DHDDS: variants seen among roughly 807,000 people sequenced by gnomAD.
The protein encoded by DHDDS is dehydrodolichyl diphosphate synthase complex subunit DHDDS.
A neutral mutation model predicts 46.2 loss-of-function variants in DHDDS; 16 were observed. The ratio of observed to expected loss-of-function variants is 0.35; its 90% CI spans 0.23 to 0.53. The LOEUF (loss-of-function observed/expected upper bound fraction) is 0.53. Among genes scored for constraint, DHDDS ranks in the 20% least tolerant of loss-of-function variants. DHDDS has a pLI of 0.94. For synonymous variants in DHDDS, 151 were observed against 163.1 expected (o/e 0.93, Z 0.56); for missense variants, 340 against 423.7 (o/e 0.80, Z 1.73).
chr1:26,435,066 G>A (rs2075140047), intron 2 of DHDDS, among the ~76,000 whole-genome samples: 2 of 151,616 alleles, frequency 1.3e-5, no homozygotes, highest in African/African-American at 4.9e-5. Flanking sequence ...CTGGAGTGCA[G>A]TGGCACAATC....
chr1:26,460,215 C>T (rs1379283545), intron 8 of DHDDS, 71 bp downstream of exon 8: 7 of 1,200,620 alleles, frequency 5.8e-6, no homozygotes, highest in South Asian at 4.9e-5. Flanking sequence ...TGACAACCAC[C>T]TTACTATATA....
At chr1:26,460,200 T>C (rs1051273678) in intron 8 of DHDDS, 56 bp downstream of exon 8, 12 of 1,376,508 alleles carry the variant, frequency 8.7e-6, no homozygotes, top group African/African-American at 2.9e-5. Context: ...AAGATTAGCA[T>C]TGATTGACAA....
At chr1:26,443,244 A>G (rs148902879) in intron 4 of DHDDS, among the ~76,000 whole-genome samples, 363 of 152,258 alleles carry the variant, frequency 2.4e-3, no homozygotes, top group African/African-American at 8.2e-3. Context: ...GCCTGGAATC[A>G]ATAAAATCCC....
intron 2 of DHDDS, among the ~76,000 whole-genome samples, chr1:26,436,704 T>C (rs1175824398): frequency 6.6e-6 from 1 of 151,956 alleles, no homozygotes; most frequent in Non-Finnish European, 1.5e-5. Context: ...ATTACAGGTA[T>C]GAGCCACTGT....
In DHDDS at chr1:26,457,873, G is replaced by C; in HGVS notation, c.625G>C (p.Glu209Gln). 4 of 1,614,000 alleles carry C rather than the reference G, an allele frequency of 2.5e-6. No individual in the cohort carries two copies. The highest frequency in any genetic ancestry group is 2.5e-6 in the Non-Finnish European group (3 of 1,180,002). Residue 209 changes from glutamate (E) to glutamine (Q), a missense_variant, in exon 7 of 9, where the codon GAA becomes CAA. By Grantham distance (29) the Glu-to-Gln change is conservative. This residue lies in a region of DHDDS where 268 missense variants were observed against 300.3 expected (regional missense o/e 0.89). Coordinates refer to ENST00000236342, the MANE Select transcript of DHDDS (RefSeq NM_205861.3). Reference protein sequence around the residue: ...HPDILIRTSGEVRLSDFLLWQ... With the variant: ...HPDILIRTSGQVRLSDFLLWQ... ...TGACATCTTGATACGGACTTCTGGA[G>C]AAGTGCGGCTGAGTGACTTCTTGCT...
chr1:26,442,541 A>G (rs1157301363), intron 3 of DHDDS, among the ~76,000 whole-genome samples, 190 bp from the exon 4 acceptor site: 13 of 152,166 alleles, frequency 8.5e-5, no homozygotes, highest in Non-Finnish European at 1.3e-4. Flanking sequence ...AGTTTCTTCA[A>G]TGGTGGTTTT....
At chr1:26,468,562 G>A (rs1019822309) in intron 8 of DHDDS, among the ~76,000 whole-genome samples, 15 of 152,174 alleles carry the variant, frequency 9.9e-5, no homozygotes, top group African/African-American at 3.6e-4. Flanking sequence ...GTTAGGACAG[G>A]ATTTGCCCAA....
chr1:26,440,833 T>C (rs932336861), intron 3 of DHDDS, among the ~76,000 whole-genome samples: 1 of 152,158 alleles, frequency 6.6e-6, no homozygotes, highest in Non-Finnish European at 1.5e-5. Context: ...AACCTCCCGC[T>C]CTCCATCTCT....
intron 6 of DHDDS, among the ~76,000 whole-genome samples, chr1:26,449,066 A>G (rs1458557662): frequency 6.6e-6 from 1 of 151,904 alleles, no homozygotes; most frequent in East Asian, 1.9e-4. Context: ...TCATTCAACA[A>G]ATATTTTATT....
intron 7 of DHDDS, among the ~76,000 whole-genome samples, chr1:26,459,742 T>G (rs1378979029): frequency 2.6e-5 from 4 of 152,242 alleles, no homozygotes; most frequent in Non-Finnish European, 5.9e-5. Flanking sequence ...ATCCAGATGT[T>G]ATTTCATAGT....
At chr1:26,457,685 T>C in intron 6 of DHDDS, 106 bp from the exon 7 acceptor site, 1 of 835,064 alleles carries the variant, frequency 1.2e-6, no homozygotes, top group Non-Finnish European at 2.1e-6. Context: ...TTTGATGGTA[T>C]TGTATAAACT....
intron 6 of DHDDS, chr1:26,454,753 G>A (rs1289566233): frequency 1.0e-5 from 16 of 1,588,510 alleles, no homozygotes; most frequent in African/African-American, 1.3e-5. Flanking sequence ...TCATCTCAAT[G>A]TGGCAGGGAG....
intron 1 of DHDDS, 152 bp from the exon 2 acceptor site, chr1:26,432,739 A>G: frequency 1.7e-6 from 1 of 600,990 alleles, no homozygotes; most frequent in South Asian, 2.0e-5. Flanking sequence ...ATTGCGTTAT[A>G]AAACTCTGGG....
intron 8 of DHDDS, 84 bp from the exon 9 acceptor site, chr1:26,468,811 G>GCCCCCCCCCCCACC: frequency 1.6e-6 from 1 of 637,986 alleles, no homozygotes; most frequent in Non-Finnish European, 2.6e-6. Context: ...CCCACCCTGT[G>GCCCCCCCCCCCACC]CCCCACCCCC....
intron 8 of DHDDS, among the ~76,000 whole-genome samples, chr1:26,466,674 G>GT (rs2075491393): frequency 6.6e-6 from 1 of 152,260 alleles, no homozygotes; most frequent in African/African-American, 2.4e-5. Context: ...GCCTCATGAA[G>GT]TGGCTTTAGC....
chr1:26,435,158 C>A (rs996216895), intron 2 of DHDDS, among the ~76,000 whole-genome samples: 27 of 150,010 alleles, frequency 1.8e-4, no homozygotes, highest in African/African-American at 3.2e-4. Flanking sequence ...TACAGGCGCT[C>A]GCCACCACGC....
At chr1:26,453,317 G>C (rs1290193874) in intron 6 of DHDDS, among the ~76,000 whole-genome samples, 1 of 151,942 alleles carries the variant, frequency 6.6e-6, no homozygotes, top group Admixed American at 6.5e-5. Flanking sequence ...CTATTTGTTG[G>C]GTATATAGGC....
At chr1:26,441,448 C>T (rs2075218782) in intron 3 of DHDDS, among the ~76,000 whole-genome samples, 1 of 152,152 alleles carries the variant, frequency 6.6e-6, no homozygotes, top group South Asian at 2.1e-4. Context: ...AATCTGCCCA[C>T]CTTGGCCTCC....
At position 26,438,335 on chromosome 1, in the gene DHDDS, T is replaced by C. The variant is rs368834158; in HGVS notation, c.180+51T>C. ...GTGAACAGTCTGTGGAGAGGTAGAT[T>C]ATAGCTAGAAAACCAGGCTCTGAGT... On this transcript the variant is annotated intron_variant, in intron 3 of 8. Coordinates refer to ENST00000236342, the MANE Select transcript of DHDDS (RefSeq NM_205861.3). The C allele has an allele frequency of 3.9e-6, 6 of 1,533,530 alleles. No individual in the cohort carries two copies. The Admixed American group carries it at 5.0e-5, about 13-fold the overall frequency. The allele number at this position is 1,533,530 out of a possible 1,614,324, so 95.0% of individuals were successfully genotyped here.
Sources: gnomAD v4.1 joint callset for allele counts (sites outside exome capture counted in the v4.1 genomes callset) on GRCh38, gnomAD v4.1.1 for gene constraint, gnomAD v4.1.1 regional missense constraint, MANE v1.5 for transcripts, NCBI Gene and HGNC (gene_info 2026-07-23, HGNC 2026-07-21) for gene names.